The following TMEM47 variants were observed in gnomAD, a reference collection of about 807,000 sequenced individuals.
TMEM47 encodes transmembrane protein 47.
TMEM47 carries 3 observed loss-of-function variants against 12.4 expected under a neutral mutation model. The observed-to-expected ratio is 0.24, with a 90% CI of 0.11 to 0.63. TMEM47 has a LOEUF of 0.63. Ranked by LOEUF, TMEM47 falls within the 20% of genes least tolerant of loss-of-function variation. The probability of loss-of-function intolerance (pLI) is 0.86; values close to 1 mark genes in which losing one functional copy is unlikely to be tolerated. For missense variants in TMEM47, 89 were observed against 143.8 expected, an observed-to-expected ratio of 0.62 and a Z score of 1.95; for synonymous variants, 62 against 63.3, an observed-to-expected ratio of 0.98 and a Z score of 0.10.
In TMEM47 at chrX:34,648,132, T is replaced by A. The variant is rs1217022330; in HGVS notation, c.226+8672A>T. On this transcript the variant is annotated intron_variant, in intron 1 of 2. Transcript: ENST00000275954. ...ACATGGCCATACTGCCCAAAGGAAT[T>A]TACAGATTCAATGCTATTCCTATCT... 3.6e-5 allele frequency among the ~76,000 whole-genome samples: 4 copies of A among 111,880 alleles called. No homozygotes were observed. The East Asian group carries it at 1.1e-3, about 31-fold the overall frequency.
intron 2 of TMEM47, among the ~76,000 whole-genome samples, chrX:34,631,217 A>T (rs1921618281): frequency 1.9e-5 from 2 of 103,962 alleles, no homozygotes; most frequent in Non-Finnish European, 3.9e-5. Context: ...AGTGACCCCA[A>T]TGCCAACTGA....
intron 1 of TMEM47, among the ~76,000 whole-genome samples, chrX:34,651,009 G>A (rs201632117): frequency 1.9e-5 from 2 of 106,284 alleles, no homozygotes; most frequent in Non-Finnish European, 3.9e-5. Flanking sequence ...TGTTGTTGTT[G>A]TTCTTCAAAG....
chrX:34,633,181 T>C (rs748181585), intron 2 of TMEM47, among the ~76,000 whole-genome samples: 1 of 112,294 alleles, frequency 8.9e-6, no homozygotes, highest in East Asian at 2.8e-4. Context: ...TCATGGGTAG[T>C]CAGTCCATTA....
chrX:34,646,785 G>A (rs1261478882), intron 1 of TMEM47, among the ~76,000 whole-genome samples: 1 of 110,861 alleles, frequency 9.0e-6, no homozygotes, highest in African/African-American at 3.3e-5. Context: ...AGCCACCCAC[G>A]ATAGTATTAA....
chrX:34,642,104 G>A (rs764029755), intron 1 of TMEM47, among the ~76,000 whole-genome samples: 4 of 112,356 alleles, frequency 3.6e-5, no homozygotes, highest in East Asian at 2.8e-4. Flanking sequence ...TGATCCACCC[G>A]CCTCGGCCTC....
At chrX:34,649,424 T>C (rs191070778) in intron 1 of TMEM47, among the ~76,000 whole-genome samples, 4 of 111,547 alleles carry the variant, frequency 3.6e-5, no homozygotes. Flanking sequence ...TGGAGGCTAT[T>C]ATCCTTAGCA....
At position 34,630,498 on chromosome X, in the gene TMEM47, G is replaced by A; in HGVS notation, c.368-7C>T. The A allele has an allele frequency of 8.5e-7, 1 of 1,176,590 alleles. No homozygotes were observed. The highest frequency in any genetic ancestry group is 1.1e-6 in the Non-Finnish European group (1 of 875,792). ...CTGCAAACCTGTAAAACAACTGAAA[G>A]AAAAGCAAATCAAAATTAGAAAATG... On this transcript the variant is annotated splice_polypyrimidine_tract_variant and splice_region_variant and intron_variant, in intron 2 of 2. Coordinates refer to ENST00000275954, the MANE Select transcript of TMEM47 (RefSeq NM_031442.4).
intron 1 of TMEM47, among the ~76,000 whole-genome samples, chrX:34,640,735 T>C (rs1335909861): frequency 9.0e-6 from 1 of 111,620 alleles, no homozygotes; most frequent in Non-Finnish European, 1.9e-5. Context: ...GGATAAACGA[T>C]GAGCAGAGGA....
chrX:34,648,652 T>C (rs1921959258), intron 1 of TMEM47, among the ~76,000 whole-genome samples: 3 of 111,879 alleles, frequency 2.7e-5, no homozygotes. Flanking sequence ...AAAGATTTCA[T>C]AACAAAGTCA....
chrX:34,655,519 A>T (rs1263191553), intron 1 of TMEM47, among the ~76,000 whole-genome samples: 1 of 112,134 alleles, frequency 8.9e-6, no homozygotes, highest in Non-Finnish European at 1.9e-5. Flanking sequence ...GGTAGTATCA[A>T]AGAAAAAGCC....
intron 2 of TMEM47, among the ~76,000 whole-genome samples, chrX:34,634,175 A>G (rs1399553279): frequency 9.0e-6 from 1 of 111,383 alleles, no homozygotes; most frequent in Non-Finnish European, 1.9e-5. Flanking sequence ...GGTATTCTCT[A>G]TGCTCTTCCT....
chrX:34,648,052 A>C (rs749795567), intron 1 of TMEM47, among the ~76,000 whole-genome samples: 35 of 112,043 alleles, frequency 3.1e-4, no homozygotes, highest in South Asian at 1.9e-3. Context: ...CACAGAAGAC[A>C]TAAACAAATG....
chrX:34,655,830 CTCTT>C (rs1204340167), intron 1 of TMEM47, among the ~76,000 whole-genome samples: 5 of 111,355 alleles, frequency 4.5e-5, no homozygotes, highest in Admixed American at 9.5e-5. Flanking sequence ...CAGGTCCTCT[CTCTT>C]TATTTCCCTT....
At chrX:34,631,294 T>G (rs1420780479) in intron 2 of TMEM47, among the ~76,000 whole-genome samples, 1 of 109,266 alleles carries the variant, frequency 9.2e-6, no homozygotes, top group Non-Finnish European at 1.9e-5. Context: ...CTGATGCAAC[T>G]GGTCATCCTG....
chrX:34,630,081 A>G lies in TMEM47; in HGVS notation c.*232T>C, dbSNP rs1601963471. ...AAGAAAAACGATATGAACATATTGG[A>G]AGTTTGCAGCATTTGCCTATGTCTA... On this transcript the variant is annotated 3_prime_UTR_variant, in exon 3 of 3. Coordinates refer to ENST00000275954, the MANE Select transcript of TMEM47 (RefSeq NM_031442.4). 2 of 314,999 alleles carry G rather than the reference A, an allele frequency of 6.3e-6. No homozygotes were observed. Among genetic ancestry groups the G allele is most frequent in the East Asian group, 4.6e-5 (1 of 21,886 alleles). 26.0% of individuals were successfully genotyped at this position (314,999 alleles called of 1,213,427 possible).
At chrX:34,651,252 G>A (rs7878858) in intron 1 of TMEM47, among the ~76,000 whole-genome samples, 7,321 of 111,772 alleles carry the variant, frequency 0.065, 556 homozygotes, top group African/African-American at 0.22. Flanking sequence ...AGTTCAGAGA[G>A]ATTCTGGCTC....
chrX:34,651,136 C>T (rs1343648097), intron 1 of TMEM47, among the ~76,000 whole-genome samples: 1 of 111,815 alleles, frequency 8.9e-6, no homozygotes, highest in Non-Finnish European at 1.9e-5. Context: ...GCCACTGCTC[C>T]ATCAAAAGGT....
At position 34,640,151 on chromosome X, in the gene TMEM47, A is replaced by G. The variant is rs1921790434; in HGVS notation, c.227-764T>C. 2.7e-5 allele frequency among the ~76,000 whole-genome samples: 3 copies of G among 111,558 alleles called. No individual in the cohort carries two copies. The South Asian group carries it at 1.1e-3, about 41-fold the overall frequency. Reference sequence around the variant, plus strand: ...GTTTTTTCCACTTCTTTTTTATTTGATTCTAGTTTCACTGCTGTATTTACC... The same window carrying G: ...GTTTTTTCCACTTCTTTTTTATTTGGTTCTAGTTTCACTGCTGTATTTACC... On this transcript the variant is annotated intron_variant, in intron 1 of 2. Transcript: ENST00000275954.
At chrX:34,646,436 T>C (rs1569164234) in intron 1 of TMEM47, among the ~76,000 whole-genome samples, 1 of 111,996 alleles carries the variant, frequency 8.9e-6, no homozygotes, top group Non-Finnish European at 1.9e-5. Flanking sequence ...TAATGACTGC[T>C]GTTTCTTACC....
Sources: allele counts gnomAD v4.1 joint callset (sites outside exome capture counted in the v4.1 genomes callset), GRCh38; gene constraint gnomAD v4.1.1; transcripts MANE v1.5; gene names NCBI Gene and HGNC (gene_info 2026-07-23, HGNC 2026-07-21).